XIRP2: variants seen among roughly 807,000 people sequenced by gnomAD.
XIRP2 encodes xin actin-binding repeat-containing protein 2.
In XIRP2, 236 loss-of-function variants were observed where a neutral mutation model predicts 277.0. That is an observed-to-expected ratio of 0.85 (90% CI 0.77 to 0.95). The LOEUF is 0.95. Among genes scored for constraint, XIRP2 ranks in the 40% least tolerant of loss-of-function variants. The probability of loss-of-function intolerance (pLI) is 0.00; values close to 1 mark genes in which losing one functional copy is unlikely to be tolerated. For missense variants in XIRP2, 4,640 were observed against 4,157.5 expected (o/e 1.12, Z -3.19); for synonymous variants, 1,490 against 1,416.5 (o/e 1.05, Z -1.17).
At chr2:166,903,248 A>G (rs1684427027) in intron 1 of XIRP2, among the ~76,000 whole-genome samples, 1 of 152,130 alleles carries the variant, frequency 6.6e-6, no homozygotes, top group South Asian at 2.1e-4. Flanking sequence ...ATGGCTATAC[A>G]AACCACACCT....
chr2:167,257,296 GT>G (rs1695682874), intron 10 of XIRP2, among the ~76,000 whole-genome samples: 1 of 151,846 alleles, frequency 6.6e-6, no homozygotes, highest in South Asian at 2.1e-4. Flanking sequence ...TGGGTTTTAA[GT>G]TTTGCTATCT....
intron 2 of XIRP2, among the ~76,000 whole-genome samples, chr2:167,079,185 A>G (rs1178129148): frequency 2.0e-5 from 3 of 152,186 alleles, no homozygotes; most frequent in Non-Finnish European, 4.4e-5. Context: ...TGTTGAACCA[A>G]ACTTGCATCC....
At chr2:167,233,216 A>T (rs1050502917) in intron 5 of XIRP2, among the ~76,000 whole-genome samples, 1 of 151,958 alleles carries the variant, frequency 6.6e-6, no homozygotes, top group Admixed American at 6.6e-5. Flanking sequence ...ACAGCATGAT[A>T]TATTTGTGAG....
Position 167,243,386 on chromosome 2 carries a change from C to T in XIRP2, c.1994C>T (p.Ser665Leu). The T allele has an allele frequency of 6.2e-7, 1 of 1,613,970 alleles. No individual in the cohort carries two copies. Among genetic ancestry groups the T allele is most frequent in the African/African-American group, 1.3e-5 (1 of 75,002 alleles). ...RWMFETRPLD[S>L]MNKMHQSQEE... is the part of the protein sequence containing the mutation. ...ATGTTTGAAACAAGGCCATTGGACT[C>T]AATGAATAAAATGCATCAAAGTCAA... The change falls in exon 9 of 11, where the codon TCA becomes TTA. Residue 665 changes from serine (S) to leucine (L), a missense_variant. By Grantham distance (145) the Ser-to-Leu change is moderately radical. Transcript: ENST00000409195.
At chr2:166,910,630 C>G (rs1201125505) in intron 2 of XIRP2, among the ~76,000 whole-genome samples, 2 of 151,848 alleles carry the variant, frequency 1.3e-5, no homozygotes, top group Non-Finnish European at 2.9e-5. Flanking sequence ...TGCTCTGATC[C>G]TAGTTATTTC....
At chr2:166,932,737 T>C (rs1685381389) in intron 2 of XIRP2, among the ~76,000 whole-genome samples, 1 of 152,184 alleles carries the variant, frequency 6.6e-6, no homozygotes, top group African/African-American at 2.4e-5. Flanking sequence ...GGGATCCAGA[T>C]TTTGTTTCCA....
chr2:167,013,065 A>G (rs907893361), intron 2 of XIRP2, among the ~76,000 whole-genome samples: 4 of 151,274 alleles, frequency 2.6e-5, no homozygotes, highest in African/African-American at 9.7e-5. Flanking sequence ...TCATGTGACA[A>G]CTAACTGACC....
chr2:167,206,830 A>G (rs541417827), intron 3 of XIRP2, among the ~76,000 whole-genome samples: 1 of 152,352 alleles, frequency 6.6e-6, no homozygotes, highest in East Asian at 1.9e-4. Context: ...TGTATCTCTC[A>G]TATTTTGAAA....
chr2:167,025,989 A>T (rs1409031738), intron 2 of XIRP2, among the ~76,000 whole-genome samples: 1 of 152,068 alleles, frequency 6.6e-6, no homozygotes, highest in Non-Finnish European at 1.5e-5. Context: ...TGCAAAACTG[A>T]GTTCAATTCC....
chr2:167,159,304 A>G (rs1368181646), intron 3 of XIRP2, among the ~76,000 whole-genome samples: 55 of 152,188 alleles, frequency 3.6e-4, no homozygotes, highest in Admixed American at 3.6e-3. Flanking sequence ...CTAGCAAGGG[A>G]GAAATATTCT....
intron 3 of XIRP2, among the ~76,000 whole-genome samples, chr2:167,195,553 G>A (rs1386012332): frequency 6.6e-6 from 1 of 152,168 alleles, no homozygotes; most frequent in Non-Finnish European, 1.5e-5. Flanking sequence ...TCCACTCACA[G>A]CATCTGTGAA....
chr2:167,081,988 C>T (rs1468011672), intron 2 of XIRP2, among the ~76,000 whole-genome samples: 2 of 150,830 alleles, frequency 1.3e-5, no homozygotes, highest in Non-Finnish European at 2.9e-5. Flanking sequence ...GGTACATGTG[C>T]ACAGTGTGCA....
chr2:166,936,432 CA>C (rs1424585397), intron 2 of XIRP2, among the ~76,000 whole-genome samples: 2 of 152,186 alleles, frequency 1.3e-5, no homozygotes, highest in Non-Finnish European at 1.5e-5. Context: ...TCCCATTTGT[CA>C]ATTTTGGCTT....
intron 2 of XIRP2, among the ~76,000 whole-genome samples, chr2:167,117,919 T>C (rs1258622711): frequency 6.6e-6 from 1 of 152,248 alleles, no homozygotes; most frequent in African/African-American, 2.4e-5. Flanking sequence ...GTAAGTTGTC[T>C]CTTATACCCT....
chr2:167,240,513 A>G (rs1392471207), intron 6 of XIRP2, 151 bp from the exon 7 acceptor site: 21 of 650,086 alleles, frequency 3.2e-5, no homozygotes, highest in Non-Finnish European at 5.4e-5. Flanking sequence ...GAATCTATGT[A>G]TTAAAATAAA....
rs149234026 is a variant in XIRP2 at position 167,245,346 on chromosome 2, C to G, written c.3954C>G (p.Thr1318=). 3,603 of 1,613,464 alleles carry G rather than the reference C, an allele frequency of 2.2e-3. 19 individuals carry two copies. Among genetic ancestry groups the G allele is most frequent in the Middle Eastern group, 0.012 (71 of 6,060 alleles). Reference sequence around the variant, plus strand: ...AAAGCTACAGAATGCTCTTTGAAACCCAGCCACTCTATGCAATTCAAGACC... The same window carrying G: ...AAAGCTACAGAATGCTCTTTGAAACGCAGCCACTCTATGCAATTCAAGACC... The part of the protein sequence containing the change: ...DVKSYRMLFE[T]QPLYAIQDRE... Residue 1318 remains threonine (T), a synonymous_variant, in exon 9 of 11, where the codon ACC becomes ACG. Transcript: ENST00000409195.
chr2:167,230,449 C>A (rs1418349127), intron 5 of XIRP2, among the ~76,000 whole-genome samples: 1 of 151,940 alleles, frequency 6.6e-6, no homozygotes, highest in Non-Finnish European at 1.5e-5. Context: ...AAAATGTGGG[C>A]CTTTCATTTC....
In XIRP2 at chr2:167,201,265, A is replaced by AAG. The variant is rs1463365940; in HGVS notation, c.563-9470_563-9469insAG. Among the ~76,000 whole-genome samples, 227 of 103,252 alleles carry AAG rather than the reference A, an allele frequency of 2.2e-3. 5 individuals carry two copies. The highest frequency in any genetic ancestry group is 0.011 in the African/African-American group (165 of 15,402). The allele number at this position is 103,252 out of a possible 152,430, so 67.7% of individuals were successfully genotyped here. Reference sequence around the variant, plus strand: ...AAGAAAGAAAGAAAGAAAGAAAGAGAGAGGGAGAAAGGAAAGAAGGAAGGA... The same window carrying AAG: ...AAGAAAGAAAGAAAGAAAGAAAGAGAAGGAGGGAGAAAGGAAAGAAGGAAGGA... On this transcript the variant is annotated intron_variant, in intron 3 of 10. Transcript: ENST00000409195.
chr2:166,891,331 CCTAT>C (rs1684099400), intron 1 of XIRP2, among the ~76,000 whole-genome samples: 1 of 152,052 alleles, frequency 6.6e-6, no homozygotes, highest in Non-Finnish European at 1.5e-5. Context: ...ATGCATTGTT[CCTAT>C]CTCTTTTTTA....
Sources: gnomAD v4.1 joint callset for allele counts (sites outside exome capture counted in the v4.1 genomes callset) on GRCh38, gnomAD v4.1.1 for gene constraint, MANE v1.5 for transcripts, NCBI Gene and HGNC (gene_info 2026-07-23, HGNC 2026-07-21) for gene names.